Variants in GIT2 observed in about 807,000 individuals in gnomAD.
The protein encoded by GIT2 is ARF GTPase-activating protein GIT2.
A neutral mutation model predicts 100.3 loss-of-function variants in GIT2; 32 were observed. That is an observed-to-expected ratio of 0.32 (90% CI 0.24 to 0.43). The LOEUF is 0.43. Among genes scored for constraint, GIT2 ranks in the 20% least tolerant of loss-of-function variants. GIT2 has a pLI of 1.00. For missense variants in GIT2, 737 were observed against 975.1 expected, an observed-to-expected ratio of 0.76 and a Z score of 3.25; for synonymous variants, 353 against 364.1, an observed-to-expected ratio of 0.97 and a Z score of 0.35.
At chr12:109,983,234 A>G (rs913981761) in intron 6 of GIT2, 139 bp downstream of exon 6, 1 of 776,774 alleles carries the variant, frequency 1.3e-6, no homozygotes, top group African/African-American at 1.7e-5. Flanking sequence ...ATGCATTTGA[A>G]ATGTCTTCAT....
At chr12:109,984,160 A>C (rs1397969203) in intron 4 of GIT2, among the ~76,000 whole-genome samples, 3 of 152,178 alleles carry the variant, frequency 2.0e-5, no homozygotes, top group African/African-American at 4.8e-5. Flanking sequence ...CTGTAATCCC[A>C]GCACTTTGGG....
At chr12:109,970,292 C>A (rs1565986168) in intron 7 of GIT2, among the ~76,000 whole-genome samples, 1 of 151,966 alleles carries the variant, frequency 6.6e-6, no homozygotes, top group Non-Finnish European at 1.5e-5. Flanking sequence ...AGGCGACCAA[C>A]ACCATCCTGA....
At chr12:109,945,140 T>G in intron 16 of GIT2, 120 bp downstream of exon 16, 1 of 649,152 alleles carries the variant, frequency 1.5e-6, no homozygotes, top group Non-Finnish European at 2.8e-6. Context: ...CAGGAGGAAG[T>G]GCTGCCTCAT....
intron 12 of GIT2, among the ~76,000 whole-genome samples, chr12:109,956,007 C>T (rs1485116403): frequency 6.6e-6 from 1 of 151,628 alleles, no homozygotes; most frequent in East Asian, 1.9e-4. Context: ...CAGCTCACTG[C>T]ATCCTCCACC....
Position 109,945,288 on chromosome 12 carries a change from G to T in GIT2, c.1703C>A (p.Ser568Tyr), listed in dbSNP as rs773484065. Residue 568 changes from serine to tyrosine, a missense_variant, in exon 16 of 20, where the codon TCC (serine) becomes TAC (tyrosine). By Grantham distance (144) the Ser-to-Tyr change is moderately radical. Transcript: ENST00000355312. ...SSLPSFPSTL[S>Y]WSRDESARRA... ...TCGGGCGCTTTCGTCCCTCGACCAG[G>T]AAAGTGTGGAGGGGAAGGAAGGCAG... The T allele has an allele frequency of 6.3e-7, 1 of 1,578,242 alleles. No homozygotes were observed. Among genetic ancestry groups the T allele is most frequent in the Admixed American group, 1.7e-5 (1 of 59,900 alleles).
rs1427045307 is a variant in GIT2, at chr12:109,933,175, T to C, written c.2083A>G (p.Met695Val). Residue 695 changes from methionine (M) to valine (V), a missense_variant, in exon 20 of 20, where the codon ATG (methionine) becomes GTG (valine). Met to Val is a conservative substitution (Grantham distance 21). This residue lies in a region of GIT2 where 451 missense variants were observed against 543.7 expected (regional missense o/e 0.83). Transcript: ENST00000355312. This position sits in a 1 kb window ranked among gnomAD's most constrained non-coding sequence, Gnocchi z 4.5. ...ALFPKKPKSD[M>V]VRTSLRLLTS... The stretch of plus-strand genomic sequence containing the variant: ...AGTAAACGAAGGGAAGTCCTCACCA[T>C]ATCAGACTTGGGTTTCTAAAAGGAA... 2 of 1,557,900 alleles carry C rather than the reference T, an allele frequency of 1.3e-6. No homozygotes were observed. The highest frequency in any genetic ancestry group is 2.4e-5 in the East Asian group (1 of 41,776).
intron 12 of GIT2, 65 bp from the exon 13 acceptor site, chr12:109,953,299 G>C (rs1160659059): frequency 1.3e-6 from 2 of 1,547,130 alleles, no homozygotes; most frequent in Non-Finnish European, 1.8e-6. Flanking sequence ...AAAAAACTAC[G>C]GAGAGGATTT....
rs1225613199 is a variant in GIT2, at chr12:109,983,348, A to T, written c.623+25T>A. 1.9e-6 allele frequency: 3 copies of T among 1,605,588 alleles called. No homozygotes were observed. The African/African-American group carries it at 4.0e-5, about 22-fold the overall frequency. ...ACCCAACAAAAAAATCCCAGAGAGAAGTAGCGAGAATCTAGGTCTCTTACC... is the reference window on the plus strand; with the variant it reads ...ACCCAACAAAAAAATCCCAGAGAGATGTAGCGAGAATCTAGGTCTCTTACC... On this transcript the variant is annotated intron_variant, in intron 6 of 19. Coordinates refer to ENST00000355312, the MANE Select transcript of GIT2 (RefSeq NM_057169.5).
chr12:109,966,284 G>GT (rs1882362413), intron 8 of GIT2, among the ~76,000 whole-genome samples: 5 of 148 alleles, frequency 0.034, no homozygotes, highest in African/African-American at 0.048. Context: ...GTGAGCCACT[G>GT]CCCTGGCGAG....
upstream of GIT2, among the ~76,000 whole-genome samples, chr12:109,997,069 G>A (rs1052001934): frequency 6.6e-6 from 1 of 152,066 alleles, no homozygotes; most frequent in Non-Finnish European, 1.5e-5. Flanking sequence ...AATTAGCCGG[G>A]CACAGTGGCA....
Position 109,981,116 on chromosome 12 carries a change from C to T in GIT2, c.624-70G>A, listed in dbSNP as rs530538228. 2.4e-5 allele frequency: 24 copies of T among 1,010,880 alleles called. 1 individual carries two copies. In the South Asian group the frequency reaches 2.5e-4, roughly 11 times the overall value. The allele number at this position is 1,010,880 out of a possible 1,614,324, so 62.6% of individuals were successfully genotyped here. A position where few individuals can be genotyped will look rare whatever the true frequency, so the allele number is the denominator to read the frequency against. The stretch of plus-strand genomic sequence containing the variant: ...CTGACTTTAAAATGGAGTACAAAGA[C>T]GTCTCCTGAGACACCTGAGCAGTTT... On this transcript the variant is annotated intron_variant, in intron 6 of 19. Transcript: ENST00000355312.
rs1456707088 is a variant in GIT2 at position 109,948,624 on chromosome 12, G to A, written c.1393-1120C>T. ...AGCTGGGTGTGGTGTGAGTTCAGCT[G>A]TCTACTCTTTGACAGAGATTGTAAA... On this transcript the variant is annotated intron_variant, in intron 14 of 19. Transcript: ENST00000355312. This position sits in a 1 kb window ranked among gnomAD's most constrained non-coding sequence, Gnocchi z 4.3. 7.0e-7 allele frequency: 1 copy of A among 1,423,122 alleles called. No homozygotes were observed. Among genetic ancestry groups the A allele is most frequent in the Non-Finnish European group, 9.1e-7 (1 of 1,097,376 alleles). 88.2% of individuals were successfully genotyped at this position (1,423,122 alleles called of 1,614,324 possible).
At chr12:109,942,482 C>T (rs939187324) in intron 16 of GIT2, among the ~76,000 whole-genome samples, 9 of 152,076 alleles carry the variant, frequency 5.9e-5, no homozygotes, top group African/African-American at 2.2e-4. Flanking sequence ...TACAGGCACC[C>T]ACCGCCACAC....
chr12:109,950,203 GTTC>G (rs1178236532), intron 14 of GIT2, among the ~76,000 whole-genome samples: 8 of 152,214 alleles, frequency 5.3e-5, no homozygotes, highest in African/African-American at 1.9e-4. Context: ...CCCCTTTTTA[GTTC>G]TTCCACCTTC....
chr12:109,939,261 G>A lies in GIT2; in HGVS notation c.1732-14C>T. Reference sequence around the variant, plus strand: ...CAGCCTGGATGCCTACAAGAAAGAAGAGGGACCCTCATGAGTTTGTAACAT... The same window carrying A: ...CAGCCTGGATGCCTACAAGAAAGAAAAGGGACCCTCATGAGTTTGTAACAT... On this transcript the variant is annotated splice_polypyrimidine_tract_variant and intron_variant, in intron 16 of 19. Transcript: ENST00000355312. The A allele has an allele frequency of 6.7e-7, 1 of 1,493,668 alleles. No individual in the cohort carries two copies. Among genetic ancestry groups the A allele is most frequent in the Non-Finnish European group, 9.3e-7 (1 of 1,070,502 alleles). The allele number at this position is 1,493,668 out of a possible 1,614,324, so 92.5% of individuals were successfully genotyped here. A position where few individuals can be genotyped will look rare whatever the true frequency, so the allele number is the denominator to read the frequency against.
chr12:109,953,413 G>GT, intron 12 of GIT2, 179 bp from the exon 13 acceptor site: 1 of 600,012 alleles, frequency 1.7e-6, no homozygotes, highest in Non-Finnish European at 3.0e-6. Flanking sequence ...GAGGCCAGGA[G>GT]TTTGAGACCT....
chr12:109,960,340 T>A (rs4766646), intron 11 of GIT2, among the ~76,000 whole-genome samples: 110,655 of 152,208 alleles, frequency 0.73, 41,594 homozygotes, highest in African/African-American at 0.9. Flanking sequence ...ATTTTAAGTT[T>A]AGGCCGGGTG....
At position 109,945,214 on chromosome 12, in the gene GIT2, G is replaced by A. The variant is rs1317826523; in HGVS notation, c.1731+46C>T. 5 of 942,802 alleles carry A rather than the reference G, an allele frequency of 5.3e-6. No individual in the cohort carries two copies. In the South Asian group the frequency reaches 6.7e-5, roughly 13 times the overall value. 58.4% of individuals were successfully genotyped at this position (942,802 alleles called of 1,614,324 possible). A position where few individuals can be genotyped will look rare whatever the true frequency, so the allele number is the denominator to read the frequency against. Reference sequence around the variant, plus strand: ...GAGCCCAAGCACAAAGCGCCCAGGAGCACGGCCCCTCCTCCAGAGAGCAGA... The same window carrying A: ...GAGCCCAAGCACAAAGCGCCCAGGAACACGGCCCCTCCTCCAGAGAGCAGA... On this transcript the variant is annotated intron_variant, in intron 16 of 19. Transcript: ENST00000355312.
chr12:109,999,535 G>A, upstream of GIT2: 2 of 431,686 alleles, frequency 4.6e-6, no homozygotes, highest in East Asian at 4.3e-5. This position sits in a 1 kb window ranked among gnomAD's most constrained non-coding sequence, Gnocchi z 4.3. Flanking sequence ...GACCTCCCGC[G>A]CGCCCCGCAC....
Sources: allele counts gnomAD v4.1 joint callset (sites outside exome capture counted in the v4.1 genomes callset), GRCh38; gene constraint gnomAD v4.1.1; regional missense constraint gnomAD v4.1.1; non-coding constraint Gnocchi (gnomAD v3.1); transcripts MANE v1.5; gene names NCBI Gene and HGNC (gene_info 2026-07-23, HGNC 2026-07-21).